The following TMCO5A variants were observed in gnomAD, a reference collection of about 807,000 sequenced individuals.
TMCO5A encodes transmembrane and coiled-coil domain-containing protein 5A.
TMCO5A carries 34 observed loss-of-function variants against 42.3 expected under a neutral mutation model. The ratio of observed to expected loss-of-function variants is 0.80; its 90% confidence interval spans 0.61 to 1.07. TMCO5A has a LOEUF of 1.07. TMCO5A is among the 50% of genes least tolerant of loss of function. TMCO5A has a pLI of 0.00. For missense variants in TMCO5A, 357 were observed against 327.9 expected (o/e 1.09, Z -0.69); for synonymous variants, 131 against 115.6 (o/e 1.13, Z -0.86).
the TMCO5A span, among the ~76,000 whole-genome samples, chr15:38,033,758 T>C: frequency 2.0e-5 from 3 of 152,064 alleles, no homozygotes; most frequent in Admixed American, 6.5e-5. Context: ...GGATTACAGG[T>C]GTGCCCCACC....
intron 9 of TMCO5A, chr15:37,942,643 TATGG>T: frequency 5.6e-6 from 1 of 178,570 alleles, no homozygotes; most frequent in Non-Finnish European, 1.2e-5. Flanking sequence ...CCCCCAAATA[TATGG>T]ACACCCAACC....
At chr15:38,032,902 G>A in the TMCO5A span, among the ~76,000 whole-genome samples, 1 of 149,616 alleles carries the variant, frequency 6.7e-6, no homozygotes, top group South Asian at 2.1e-4. Context: ...TGTGTTGGCT[G>A]ATCTTTGTCA....
chr15:37,966,804 C>T, exon 12 of TMCO5A: 1 of 667,854 alleles, frequency 1.5e-6, no homozygotes. Context: ...TCAATGTGGC[C>T]AGAGGGATGG....
At chr15:38,001,954 C>T in the TMCO5A span, among the ~76,000 whole-genome samples, 2 of 152,060 alleles carry the variant, frequency 1.3e-5, no homozygotes, top group African/African-American at 4.8e-5. Flanking sequence ...GTAGATTACA[C>T]ACCACAATTA....
the TMCO5A span, among the ~76,000 whole-genome samples, chr15:38,006,799 A>G: frequency 1.3e-5 from 2 of 151,930 alleles, no homozygotes; most frequent in Non-Finnish European, 2.9e-5. Context: ...ACTTTTTTGT[A>G]AAAAATCACC....
chr15:37,936,947 C>G lies in TMCO5A; in HGVS notation c.241C>G (p.Leu81Val), dbSNP rs768065830. ...TMERERALQE[L>V]EEETARLERK... is the part of the protein sequence containing the mutation. ...GGAAAGGGAAAGAGCCTTGCAGGAG[C>G]TGGAGGAAGAAACAGCCAGACTTGT... The change falls in exon 4 of 12, where the codon CTG becomes GTG. Residue 81 changes from leucine to valine, a missense_variant. Leu to Val is a conservative substitution (Grantham distance 32). Transcript: ENST00000319669. The G allele has an allele frequency of 6.2e-7, 1 of 1,612,354 alleles. No individual in the cohort carries two copies.
the TMCO5A span, among the ~76,000 whole-genome samples, chr15:37,979,493 G>A: frequency 2.0e-5 from 3 of 152,150 alleles, no homozygotes; most frequent in Non-Finnish European, 4.4e-5. Context: ...TCATGAATCT[G>A]AAAATTGGCA....
intron 11 of TMCO5A, among the ~76,000 whole-genome samples, chr15:37,965,086 A>T (rs569018236): frequency 1.3e-5 from 2 of 152,308 alleles, no homozygotes; most frequent in South Asian, 4.1e-4. Flanking sequence ...ATGGAACATA[A>T]TAGAGAACCC....
the TMCO5A span, among the ~76,000 whole-genome samples, chr15:37,982,176 T>C: frequency 1.3e-5 from 2 of 152,144 alleles, no homozygotes; most frequent in African/African-American, 2.4e-5. Flanking sequence ...GGAAAACAGA[T>C]AGATGTGGAT....
the TMCO5A span, among the ~76,000 whole-genome samples, chr15:37,976,702 A>G: frequency 1.3e-5 from 2 of 151,730 alleles, no homozygotes; most frequent in Non-Finnish European, 2.9e-5. Context: ...TCTGCTGTTA[A>G]TACTTGTAAT....
At chr15:37,955,659 T>A (rs553539290), downstream of TMCO5A, among the ~76,000 whole-genome samples, 3 of 152,084 alleles carry the variant, frequency 2.0e-5, no homozygotes, top group African/African-American at 7.2e-5. Context: ...GACTTTAACA[T>A]CCCACTGTCA....
the TMCO5A span, among the ~76,000 whole-genome samples, chr15:37,979,331 G>A: frequency 6.6e-6 from 1 of 151,600 alleles, no homozygotes; most frequent in Admixed American, 6.6e-5. Flanking sequence ...AAAATAACAG[G>A]TCTGCCCACT....
chr15:38,031,820 C>G, the TMCO5A span, among the ~76,000 whole-genome samples: 1 of 152,258 alleles, frequency 6.6e-6, no homozygotes, highest in Non-Finnish European at 1.5e-5. Flanking sequence ...TATTATCCAG[C>G]AATAAATAGC....
At chr15:38,038,556 C>T in the TMCO5A span, among the ~76,000 whole-genome samples, 1 of 152,194 alleles carries the variant, frequency 6.6e-6, no homozygotes, top group Admixed American at 6.5e-5. Flanking sequence ...CAGGCACCCA[C>T]CACCACGCCC....
intron 3 of TMCO5A, 34 bp from the exon 4 acceptor site, chr15:37,936,813 A>G (rs939684286): frequency 3.1e-6 from 5 of 1,608,796 alleles, no homozygotes; most frequent in Middle Eastern, 1.7e-4. Context: ...ACTGCCAAGC[A>G]TGGGTCCTCA....
At chr15:37,970,250 T>C (rs1022111362), downstream of TMCO5A, among the ~76,000 whole-genome samples, 26 of 152,316 alleles carry the variant, frequency 1.7e-4, no homozygotes, top group Admixed American at 4.6e-4. Context: ...CTCACAATCA[T>C]AATGGAAGGT....
chr15:38,025,194 TGTGTGTGG>T, the TMCO5A span, among the ~76,000 whole-genome samples: 3 of 122,646 alleles, frequency 2.4e-5, no homozygotes, highest in African/African-American at 8.6e-5. Context: ...TGTGTGTGTG[TGTGTGTGG>T]AAGCAGAAAA....
chr15:38,003,409 A>G, the TMCO5A span, among the ~76,000 whole-genome samples: 2 of 152,016 alleles, frequency 1.3e-5, no homozygotes, highest in African/African-American at 2.4e-5. Context: ...ACCTATGTTC[A>G]TCAAGGCCTA....
the TMCO5A span, among the ~76,000 whole-genome samples, chr15:38,031,991 C>T: frequency 4.0e-5 from 6 of 149,990 alleles, no homozygotes; most frequent in South Asian, 4.2e-4. Context: ...ATTTTGCTTT[C>T]GTCGCCCAGG....
Sources: allele counts gnomAD v4.1 joint callset (sites outside exome capture counted in the v4.1 genomes callset), GRCh38; gene constraint gnomAD v4.1.1; transcripts MANE v1.5; gene names NCBI Gene and HGNC (gene_info 2026-07-23, HGNC 2026-07-21).